Variants in SAR1A observed in about 807,000 individuals in gnomAD.
The protein encoded by SAR1A is secretion associated Ras related GTPase 1A, also known as small COPII coat GTPase SAR1A.
A neutral mutation model predicts 22.6 loss-of-function variants in SAR1A; 6 were observed. The ratio of observed to expected loss-of-function variants is 0.27; its 90% CI spans 0.15 to 0.52. The LOEUF is 0.52. SAR1A is among the 20% of genes least tolerant of loss of function. The pLI is 0.96. For missense variants in SAR1A, 145 were observed against 245.1 expected (o/e 0.59, Z 2.73); for synonymous variants, 70 against 82.2 (o/e 0.85, Z 0.80).
chr10:70,168,568 G>A (rs1839582706), intron 1 of SAR1A, among the ~76,000 whole-genome samples: 1 of 152,142 alleles, frequency 6.6e-6, no homozygotes, highest in East Asian at 1.9e-4. Context: ...CTCCAGTCTG[G>A]ACAACAAGAG....
intron 4 of SAR1A, among the ~76,000 whole-genome samples, chr10:70,160,786 T>A (rs965828737): frequency 1.3e-5 from 2 of 152,220 alleles, no homozygotes; most frequent in Non-Finnish European, 2.9e-5. Flanking sequence ...TAGGGTAATA[T>A]TGAAGGGGAC....
intron 4 of SAR1A, among the ~76,000 whole-genome samples, chr10:70,160,724 C>T (rs995736292): frequency 6.6e-6 from 1 of 152,108 alleles, no homozygotes; most frequent in African/African-American, 2.4e-5. Flanking sequence ...CAGGCAAATA[C>T]TTAAAAGTTC....
chr10:70,151,132 C>T lies in SAR1A; in HGVS notation c.*1344G>A, dbSNP rs7919647. The T allele has an allele frequency of 0.94, 143,292 of 152,050 alleles. 67,622 individuals are homozygous for T. The highest frequency in any genetic ancestry group is 1 in the East Asian group (5,172 of 5,176). The allele number at this position is 152,050 out of a possible 1,614,324, so 9.4% of individuals were successfully genotyped here. On this transcript the variant is annotated 3_prime_UTR_variant, in exon 7 of 7. Coordinates refer to ENST00000373241, the MANE Select transcript of SAR1A (RefSeq NM_020150.5). ...ATCCCCATCACCCAAGTAGGGATGC[C>T]GGTGCTTTTATACTGAGTCTTTACT...
At position 70,161,879 on chromosome 10, in the gene SAR1A, T is replaced by C. The variant is rs984304366; in HGVS notation, c.37A>G (p.Ser13Gly). 6.2e-7 allele frequency: 1 copy of C among 1,613,224 alleles called. No individual in the cohort carries two copies. The highest frequency in any genetic ancestry group is 1.1e-5 in the South Asian group (1 of 91,026). Residue 13 changes from serine to glycine, a missense_variant, in exon 2 of 7, where the codon AGC becomes GGC. Coordinates refer to ENST00000373241, the MANE Select transcript of SAR1A (RefSeq NM_020150.5). The part of the protein sequence containing the change: ...FIFEWIYNGF[S>G]SVLQFLGLYK... ...TTACCTAGGAACTGGAGCACACTGC[T>C]GAAGCCATTGTAGATCCACTCAAAG...
chr10:70,153,532 G>C (rs1839352787), intron 6 of SAR1A, among the ~76,000 whole-genome samples: 1 of 152,090 alleles, frequency 6.6e-6, no homozygotes, highest in Admixed American at 6.6e-5. Context: ...TTATTTTCTG[G>C]CTAAAAAGGG....
chr10:70,151,605 T>C lies in SAR1A; in HGVS notation c.*871A>G, dbSNP rs1224148880. On this transcript the variant is annotated 3_prime_UTR_variant, in exon 7 of 7. Transcript: ENST00000373241. The stretch of plus-strand genomic sequence containing the variant: ...TGACACGAGAGATGTTCTCAACTCT[T>C]TTATGAGGTCAAAGTCACTTTTGAT... 9.2e-5 allele frequency: 14 copies of C among 152,720 alleles called. No homozygotes were observed. The highest frequency in any genetic ancestry group is 9.1e-4 in the Admixed American group (14 of 15,306). 9.5% of individuals were successfully genotyped at this position (152,720 alleles called of 1,614,324 possible).
intron 1 of SAR1A, among the ~76,000 whole-genome samples, chr10:70,165,866 A>T (rs892607011): frequency 2.0e-5 from 3 of 152,240 alleles, no homozygotes; most frequent in African/African-American, 7.2e-5. Context: ...CTTGAAAACA[A>T]GCATTAACTG....
intron 5 of SAR1A, among the ~76,000 whole-genome samples, chr10:70,157,274 C>T (rs990961398): frequency 6.6e-6 from 1 of 151,818 alleles, no homozygotes; most frequent in African/African-American, 2.4e-5. Flanking sequence ...CGTGGTGGCA[C>T]GTGCCTGTAG....
At position 70,149,548 on chromosome 10, in the gene SAR1A, T is replaced by TTTTGA. The variant is rs1839303066; in HGVS notation, c.*2927_*2928insTCAAA. 4.7e-5 allele frequency: 1 copy of TTTTGA among 21,342 alleles called. No individual in the cohort carries two copies. The highest frequency in any genetic ancestry group is 1.4e-4 in the African/African-American group (1 of 7,010). The allele number at this position is 21,342 out of a possible 1,614,324, so 1.3% of individuals were successfully genotyped here. On this transcript the variant is annotated 3_prime_UTR_variant, in exon 7 of 7. Transcript: ENST00000373241. ...TTTGCCAAATGTAGCATTTAATTGA[T>TTTTGA]TTTTTTTTTTTTTTTTTTTTTGAGC... is the stretch of plus-strand genomic sequence containing the variant.
At chr10:70,154,509 TTC>T (rs139242238) in intron 5 of SAR1A, among the ~76,000 whole-genome samples, 37,075 of 137,366 alleles carry the variant, frequency 0.27, 5,615 homozygotes, top group Non-Finnish European at 0.37. Context: ...TATGTTTTTT[TTC>T]TTTTTTCTTA....
At chr10:70,170,305 T>TCCCCCCCCCCC (rs201611181) in intron 1 of SAR1A, 108 bp downstream of exon 1, 1 of 86,516 alleles carries the variant, frequency 1.2e-5, no homozygotes, top group Non-Finnish European at 2.3e-5. Flanking sequence ...GCGTGTCACT[T>TCCCCCCCCCCC]CCCCCCCACC....
At chr10:70,168,484 C>T (rs1029863791) in intron 1 of SAR1A, among the ~76,000 whole-genome samples, 3 of 152,040 alleles carry the variant, frequency 2.0e-5, no homozygotes, top group East Asian at 1.9e-4. Flanking sequence ...CCCAGCTACT[C>T]GGGAGGTTGA....
At chr10:70,155,515 C>A (rs1397605983) in intron 5 of SAR1A, among the ~76,000 whole-genome samples, 1 of 152,134 alleles carries the variant, frequency 6.6e-6, no homozygotes, top group Non-Finnish European at 1.5e-5. Flanking sequence ...CAACAAAGTA[C>A]CTAATGTGTC....
chr10:70,156,296 A>G (rs186914638), intron 5 of SAR1A, among the ~76,000 whole-genome samples: 1 of 152,354 alleles, frequency 6.6e-6, no homozygotes, highest in Admixed American at 6.5e-5. Flanking sequence ...CAGAAGAACT[A>G]GTGCTTCTCA....
rs893920426 is a variant in SAR1A, at chr10:70,162,035, T to C, written c.-16-104A>G. On this transcript the variant is annotated intron_variant, in intron 1 of 6. Transcript: ENST00000373241. ...AGCCATGATGCACATTTATAGTCTC[T>C]TGTTTTCGGGAATAAGAAAGCAGGC... The C allele has an allele frequency of 7.2e-6, 6 of 831,868 alleles. 1 individual carries two copies. In the South Asian group the frequency reaches 9.9e-5, roughly 14 times the overall value. The allele number at this position is 831,868 out of a possible 1,614,324, so 51.5% of individuals were successfully genotyped here. A position where few individuals can be genotyped will look rare whatever the true frequency, so the allele number is the denominator to read the frequency against.
chr10:70,163,880 C>T, intron 1 of SAR1A: 1 of 1,598,042 alleles, frequency 6.3e-7, no homozygotes, highest in Non-Finnish European at 8.6e-7. Context: ...CAATTGACTT[C>T]CCTGAATTTC....
Position 70,149,645 on chromosome 10 carries a change from T to A in SAR1A, c.*2831A>T, listed in dbSNP as rs1839304542. 3.8e-5 allele frequency: 5 copies of A among 132,492 alleles called. No homozygotes were observed. The South Asian group carries it at 1.3e-3, about 35-fold the overall frequency. 8.2% of individuals were successfully genotyped at this position (132,492 alleles called of 1,614,324 possible). ...ATCTCGGCTCACTTCAATCTCCACC[T>A]CCTAGTTCAAGCGATTCTCCGCCTC... On this transcript the variant is annotated 3_prime_UTR_variant, in exon 7 of 7. Coordinates refer to ENST00000373241, the MANE Select transcript of SAR1A (RefSeq NM_020150.5).
At chr10:70,159,841 A>T (rs1297074695) in intron 4 of SAR1A, among the ~76,000 whole-genome samples, 1 of 152,226 alleles carries the variant, frequency 6.6e-6, no homozygotes, top group East Asian at 1.9e-4. Flanking sequence ...CATCAGACAA[A>T]GATGACACTC....
chr10:70,160,161 G>GA (rs538763322), intron 4 of SAR1A, among the ~76,000 whole-genome samples: 63 of 149,622 alleles, frequency 4.2e-4, no homozygotes, highest in Non-Finnish European at 7.9e-4. Context: ...TGGTCAAGAT[G>GA]AAAAAAATGG....
Sources: allele counts gnomAD v4.1 joint callset (sites outside exome capture counted in the v4.1 genomes callset), GRCh38; gene constraint gnomAD v4.1.1; transcripts MANE v1.5; gene names NCBI Gene and HGNC (gene_info 2026-07-23, HGNC 2026-07-21).